The following DCAF1 variants were observed in gnomAD, a reference collection of about 807,000 sequenced individuals.
The protein encoded by DCAF1 is DDB1 and CUL4 associated factor 1.
Under a neutral mutation model 128.0 loss-of-function variants are expected in DCAF1, and 15 were observed. The observed-to-expected ratio is 0.12, with a 90% CI of 0.08 to 0.18. The LOEUF (loss-of-function observed/expected upper bound fraction) is 0.18, where lower values mean the gene tolerates loss of function less well. DCAF1 is among the 10% of genes least tolerant of loss of function. The pLI is 1.00. For missense variants in DCAF1, 988 were observed against 1,649.5 expected, an observed-to-expected ratio of 0.60 and a Z score of 6.95; for synonymous variants, 610 against 603.0, an observed-to-expected ratio of 1.01 and a Z score of -0.17.
At chr3:51,456,593 C>A (rs1325809160) in intron 6 of DCAF1, among the ~76,000 whole-genome samples, 1 of 152,240 alleles carries the variant, frequency 6.6e-6, no homozygotes, top group Non-Finnish European at 1.5e-5. Context: ...AGCTTGAGAT[C>A]TGAGAACAGG....
Position 51,418,625 on chromosome 3 carries a change from C to T in DCAF1, c.3435+53G>A, listed in dbSNP as rs1050428344. 1.1e-5 allele frequency: 17 copies of T among 1,558,860 alleles called. No individual in the cohort carries two copies. The Admixed American group carries it at 2.3e-4, about 21-fold the overall frequency. ...AGGGTAAGCCTCCTTTACTCTAGTT[C>T]ACCAATTCATCTTGGAAGAATGACT... On this transcript the variant is annotated intron_variant, in intron 16 of 24. Coordinates refer to ENST00000684031, the MANE Select transcript of DCAF1 (RefSeq NM_001387579.1).
rs200027144 is a variant in DCAF1 at position 51,416,787 on chromosome 3, G to A, written c.3603C>T (p.His1201=). Residue 1201 remains histidine, a splice_region_variant and synonymous_variant, in exon 18 of 25, where the codon CAC becomes CAT. Transcript: ENST00000684031. The stretch of plus-strand genomic sequence containing the variant: ...AAAACAGTGGTTCTTAAGTACTTAC[G>A]TGGGCAATGTCTCCTTTTGTGCCGA... ...RVIGTKGDIA[H]IYDIQTGNKL... The A allele has an allele frequency of 3.8e-4, 609 of 1,609,216 alleles. 1 individual carries two copies. The highest frequency in any genetic ancestry group is 4.7e-4 in the Non-Finnish European group (555 of 1,177,670).
intron 22 of DCAF1, 100 bp from the exon 23 acceptor site, chr3:51,412,580 T>G (rs1347731118): frequency 6.5e-7 from 1 of 1,545,338 alleles, no homozygotes; most frequent in Non-Finnish European, 8.7e-7. Flanking sequence ...ACCCTGTAAT[T>G]ATTAAAGCTT....
chr3:51,453,325 T>C (rs1702543380), intron 6 of DCAF1, among the ~76,000 whole-genome samples: 1 of 152,028 alleles, frequency 6.6e-6, no homozygotes, highest in Non-Finnish European at 1.5e-5. Flanking sequence ...GGTCATACAC[T>C]TAACTATAAT....
intron 7 of DCAF1, 118 bp from the exon 8 acceptor site, chr3:51,442,015 A>G: frequency 7.5e-7 from 1 of 1,334,982 alleles, no homozygotes; most frequent in East Asian, 2.3e-5. Flanking sequence ...CAACGCCTGT[A>G]ATAGCAACAA....
At chr3:51,443,620 A>G in intron 7 of DCAF1, 146 bp downstream of exon 7, 1 of 774,058 alleles carries the variant, frequency 1.3e-6, no homozygotes, top group South Asian at 4.7e-5. Context: ...TCAATTTTTA[A>G]AAACTCTTAT....
At chr3:51,498,421 A>C (rs1208116899) in intron 1 of DCAF1, among the ~76,000 whole-genome samples, 2 of 151,762 alleles carry the variant, frequency 1.3e-5, no homozygotes, top group Non-Finnish European at 2.9e-5. Context: ...ACTCCAGCCT[A>C]GGCTACAGGG....
chr3:51,491,075 C>A (rs562152047), intron 2 of DCAF1, among the ~76,000 whole-genome samples: 4 of 148,972 alleles, frequency 2.7e-5, no homozygotes. Flanking sequence ...CGGGGTCAGG[C>A]GCAGTGGCTC....
At chr3:51,495,821 T>C (rs978212783) in intron 2 of DCAF1, among the ~76,000 whole-genome samples, 2 of 152,194 alleles carry the variant, frequency 1.3e-5, no homozygotes, top group Non-Finnish European at 2.9e-5. Flanking sequence ...AATCTCGCTC[T>C]GCTGCCCAGG....
chr3:51,500,116 G>GA (rs55767863), upstream of DCAF1: 116 of 27,848 alleles, frequency 4.2e-3, 10 homozygotes, highest in Non-Finnish European at 4.9e-3. Context: ...CACGATCGGG[G>GA]AAAAAAAAAA....
rs922682813 is a variant in DCAF1, at chr3:51,412,433, C to G, written c.4158G>C (p.Leu1386=). The G allele has an allele frequency of 1.9e-6, 3 of 1,613,864 alleles. No individual in the cohort carries two copies. Among genetic ancestry groups the G allele is most frequent in the Admixed American group, 3.3e-5 (2 of 59,996 alleles). The change falls in exon 23 of 25, where the codon CTG becomes CTC. Residue 1386 remains leucine, a synonymous_variant. Transcript: ENST00000684031. ...CCAGACGCTGCCTGCCCACTTCATA[C>G]AGCCTGCATACTGTGTCCATGTTCA... The part of the protein sequence containing the change: ...DALNMDTVCR[L]YEVGRQRLAE...
downstream of DCAF1, chr3:51,396,814 A>ATGAC (rs1553623126): frequency 1.2e-5 from 2 of 167,154 alleles, no homozygotes; most frequent in African/African-American, 4.8e-5. Context: ...CGTTGAGTTA[A>ATGAC]TGACTAGAAT....
chr3:51,462,618 C>T (rs954380236), intron 6 of DCAF1, among the ~76,000 whole-genome samples: 11 of 151,402 alleles, frequency 7.3e-5, no homozygotes, highest in African/African-American at 1.9e-4. Context: ...TGGTGGTGGG[C>T]GCCTGTAATC....
chr3:51,441,341 C>T (rs1701338961), intron 8 of DCAF1, 44 bp downstream of exon 8: 13 of 1,566,012 alleles, frequency 8.3e-6, no homozygotes, highest in Non-Finnish European at 1.1e-5. Context: ...GAAATGAACA[C>T]AATAATTCCT....
chr3:51,399,725 A>G lies in DCAF1; in HGVS notation c.4466-898T>C, dbSNP rs530439717. Among the ~76,000 whole-genome samples, 9 of 152,274 alleles carry G rather than the reference A, an allele frequency of 5.9e-5. 1 individual carries two copies. The highest frequency in any genetic ancestry group is 2.0e-4 in the Admixed American group (3 of 15,296). ...CTCTAATATTCGCTGAGTCAAAGAA[A>G]AGGAAAGTTCTCAGTGCCCAATTTG... On this transcript the variant is annotated intron_variant, in intron 24 of 24. Coordinates refer to ENST00000684031, the MANE Select transcript of DCAF1 (RefSeq NM_001387579.1).
chr3:51,403,122 T>C (rs782600874), intron 24 of DCAF1, 21 bp downstream of exon 24: 1 of 1,591,824 alleles, frequency 6.3e-7, no homozygotes. Flanking sequence ...AGGCTCAGCC[T>C]GAACTCTGCC....
At chr3:51,404,172 A>G (rs1189435767) in intron 23 of DCAF1, among the ~76,000 whole-genome samples, 1 of 152,192 alleles carries the variant, frequency 6.6e-6, no homozygotes, top group Non-Finnish European at 1.5e-5. Context: ...TCCCTTCAAA[A>G]GGGAGAGGAC....
intron 13 of DCAF1, among the ~76,000 whole-genome samples, chr3:51,425,192 G>A (rs962024504): frequency 1.3e-5 from 2 of 151,832 alleles, no homozygotes; most frequent in Admixed American, 1.3e-4. Flanking sequence ...CCAAATACAG[G>A]CCGGACCGTG....
intron 23 of DCAF1, among the ~76,000 whole-genome samples, chr3:51,411,116 G>A (rs1403116974): frequency 3.3e-5 from 5 of 149,618 alleles, no homozygotes; most frequent in African/African-American, 7.4e-5. Flanking sequence ...AGCCGAGATC[G>A]TGCCATTACA....
Sources: allele counts gnomAD v4.1 joint callset (sites outside exome capture counted in the v4.1 genomes callset), GRCh38; gene constraint gnomAD v4.1.1; transcripts MANE v1.5; gene names NCBI Gene and HGNC (gene_info 2026-07-23, HGNC 2026-07-21).